Variants in C11orf65 observed in about 807,000 individuals in gnomAD.
The protein encoded by C11orf65 is chromosome 11 open reading frame 65, also known as protein MFI.
Under a neutral mutation model 35.3 loss-of-function variants are expected in C11orf65, and 38 were observed. The observed-to-expected ratio is 1.08, with a 90% CI of 0.83 to 1.41. The LOEUF is 1.41. Ranked by LOEUF, C11orf65 falls within the 40% of genes most tolerant of loss-of-function variation. C11orf65 has a pLI of 0.00. For missense variants in C11orf65, 370 were observed against 367.1 expected (o/e 1.01, Z -0.06); for synonymous variants, 105 against 114.4 (o/e 0.92, Z 0.53).
chr11:108,408,682 A>G (rs1440132991), intron 3 of C11orf65, among the ~76,000 whole-genome samples: 1 of 66,272 alleles, frequency 1.5e-5, no homozygotes, highest in African/African-American at 6.7e-5. Context: ...AATAAATAAA[A>G]TAAAATAAAA....
At chr11:108,430,006 C>G (rs1264351181) in intron 3 of C11orf65, among the ~76,000 whole-genome samples, 1 of 151,808 alleles carries the variant, frequency 6.6e-6, no homozygotes, top group Non-Finnish European at 1.5e-5. Flanking sequence ...TAAGGAGTTA[C>G]TGTTTAATGA....
At chr11:108,313,069 C>G (rs1355940021) in intron 6 of C11orf65, among the ~76,000 whole-genome samples, 1 of 152,208 alleles carries the variant, frequency 6.6e-6, no homozygotes, top group Non-Finnish European at 1.5e-5. Flanking sequence ...GAGAGGAAAT[C>G]TCGCCACATC....
At chr11:108,316,062 T>A (rs369940136) in intron 6 of C11orf65, 1 of 1,614,174 alleles carries the variant, frequency 6.2e-7, no homozygotes, top group Non-Finnish European at 8.5e-7. Flanking sequence ...TAGTAACATA[T>A]GACCTCGAAA....
intron 2 of C11orf65, among the ~76,000 whole-genome samples, chr11:108,339,458 C>T (rs1203790717): frequency 6.6e-6 from 1 of 152,006 alleles, no homozygotes; most frequent in African/African-American, 2.4e-5. Flanking sequence ...AACTTCATTT[C>T]TGTGTATCTA....
intron 2 of C11orf65, among the ~76,000 whole-genome samples, chr11:108,369,321 G>C (rs1421595198): frequency 6.6e-6 from 1 of 152,070 alleles, no homozygotes; most frequent in Non-Finnish European, 1.5e-5. Flanking sequence ...TCCTAGTAGT[G>C]TTTCTTAGTC....
At chr11:108,379,011 C>G (rs575275423), downstream of C11orf65, among the ~76,000 whole-genome samples, 3 of 151,912 alleles carry the variant, frequency 2.0e-5, no homozygotes, top group East Asian at 1.9e-4. Flanking sequence ...AAATAGGAAC[C>G]CTTTTACACT....
chr11:108,347,963 A>T (rs1252900781), intron 2 of C11orf65, among the ~76,000 whole-genome samples: 2 of 152,240 alleles, frequency 1.3e-5, no homozygotes, highest in Non-Finnish European at 2.9e-5. Context: ...ATGAAGATTT[A>T]TACTAAAGTT....
At chr11:108,427,825 C>CTTTTTTTTTTTTTTT (rs1164726398) in intron 3 of C11orf65, among the ~76,000 whole-genome samples, 1 of 59,020 alleles carries the variant, frequency 1.7e-5, no homozygotes, top group Non-Finnish European at 2.9e-5. Flanking sequence ...GAATGGCAAT[C>CTTTTTTTTTTTTTTT]TTTTTTTTTT....
intron 2 of C11orf65, among the ~76,000 whole-genome samples, chr11:108,440,589 T>C (rs962927613): frequency 4.6e-5 from 7 of 152,304 alleles, no homozygotes; most frequent in African/African-American, 1.4e-4. Flanking sequence ...GGATAGTCAA[T>C]CATCAATCTC....
chr11:108,343,674 C>T (rs1451242951), intron 2 of C11orf65, among the ~76,000 whole-genome samples: 1 of 152,150 alleles, frequency 6.6e-6, no homozygotes, highest in South Asian at 2.1e-4. Context: ...ATGCCAGGCA[C>T]GATGGCATGC....
At chr11:108,469,647 C>G (rs1307171571), upstream of C11orf65, among the ~76,000 whole-genome samples, 2 of 151,986 alleles carry the variant, frequency 1.3e-5, no homozygotes, top group Non-Finnish European at 2.9e-5. Flanking sequence ...TAACCTGATC[C>G]ACAAGAATTC....
At chr11:108,342,455 A>G (rs2087708258) in intron 2 of C11orf65, among the ~76,000 whole-genome samples, 1 of 152,174 alleles carries the variant, frequency 6.6e-6, no homozygotes, top group Non-Finnish European at 1.5e-5. Flanking sequence ...AATACTTACA[A>G]CTATTTGTGT....
intron 7 of C11orf65, among the ~76,000 whole-genome samples, chr11:108,391,028 T>C (rs1028418048): frequency 5.3e-5 from 8 of 152,090 alleles, no homozygotes; most frequent in African/African-American, 1.4e-4. Flanking sequence ...TTTTTCTTCA[T>C]TTATCTTTCC....
At chr11:108,375,194 C>T (rs2091689291) in intron 2 of C11orf65, among the ~76,000 whole-genome samples, 1 of 151,562 alleles carries the variant, frequency 6.6e-6, no homozygotes, top group African/African-American at 2.4e-5. Flanking sequence ...GTCAGATTCA[C>T]CAAAGTTGAA....
At chr11:108,450,944 A>T (rs912441471) in intron 2 of C11orf65, among the ~76,000 whole-genome samples, 1 of 151,884 alleles carries the variant, frequency 6.6e-6, no homozygotes, top group Non-Finnish European at 1.5e-5. Context: ...ACGGCCTTCA[A>T]TAAAATTCAA....
rs886196522 is a variant in C11orf65, at chr11:108,376,219, A to C, written c.226+16989T>G. 1.2e-4 allele frequency among the ~76,000 whole-genome samples: 18 copies of C among 152,112 alleles called. 1 individual carries two copies. The South Asian group carries it at 1.7e-3, about 14-fold the overall frequency. The stretch of plus-strand genomic sequence containing the variant: ...CACCACACCTATTCCAAAATTGACC[A>C]CATAGTTGGAAGTAAAGCTCTCCTC... On this transcript the variant is annotated intron_variant, in intron 2 of 3. Transcript: ENST00000524755.
chr11:108,387,152 T>C (rs544500430), intron 7 of C11orf65, among the ~76,000 whole-genome samples: 7 of 129,244 alleles, frequency 5.4e-5, no homozygotes, highest in African/African-American at 1.9e-4. Context: ...TTCTTTCTTT[T>C]TTTTTTTTTT....
chr11:108,309,204 C>G, intron 6 of C11orf65: 1 of 534,460 alleles, frequency 1.9e-6, no homozygotes, highest in Non-Finnish European at 3.3e-6. Flanking sequence ...AATAAAACAA[C>G]AACAACAAAA....
At chr11:108,454,545 A>G (rs1191899139) in intron 2 of C11orf65, among the ~76,000 whole-genome samples, 11 of 152,164 alleles carry the variant, frequency 7.2e-5, no homozygotes, top group South Asian at 4.2e-4. Flanking sequence ...TGATCCGCCC[A>G]CCTTGGCCTC....
Sources: gnomAD v4.1 joint callset for allele counts (sites outside exome capture counted in the v4.1 genomes callset) on GRCh38, gnomAD v4.1.1 for gene constraint, MANE v1.5 for transcripts, NCBI Gene and HGNC (gene_info 2026-07-23, HGNC 2026-07-21) for gene names.